OXCT1: variants seen among roughly 807,000 people sequenced by gnomAD.
The protein encoded by OXCT1 is succinyl-CoA:3-ketoacid coenzyme A transferase 1, mitochondrial.
A neutral mutation model predicts 69.6 loss-of-function variants in OXCT1; 27 were observed. The observed-to-expected ratio is 0.39, with a 90% CI of 0.29 to 0.54. The LOEUF (loss-of-function observed/expected upper bound fraction) is 0.54. Among genes scored for constraint, OXCT1 ranks in the 20% least tolerant of loss-of-function variants. The pLI is 0.72. For missense variants in OXCT1, 437 were observed against 650.2 expected (o/e 0.67, Z 3.57); for synonymous variants, 202 against 217.8 (o/e 0.93, Z 0.64).
intron 14 of OXCT1, among the ~76,000 whole-genome samples, chr5:41,760,045 C>T (rs184821581): frequency 6.6e-6 from 1 of 152,106 alleles, no homozygotes; most frequent in African/African-American, 2.4e-5. Context: ...AGTGAAAAAA[C>T]TCTCTTCCCT....
At chr5:41,760,215 G>A (rs1744280450) in intron 14 of OXCT1, among the ~76,000 whole-genome samples, 1 of 152,140 alleles carries the variant, frequency 6.6e-6, no homozygotes. Flanking sequence ...AAATGTGTGA[G>A]AAGAGAAACT....
intron 13 of OXCT1, among the ~76,000 whole-genome samples, chr5:41,769,878 C>G (rs1744800046): frequency 6.6e-6 from 1 of 152,188 alleles, no homozygotes; most frequent in Admixed American, 6.5e-5. Flanking sequence ...TGTGCCTGAG[C>G]CTCCCAAGTA....
chr5:41,787,198 T>G (rs544465137), intron 13 of OXCT1, among the ~76,000 whole-genome samples: 3 of 152,196 alleles, frequency 2.0e-5, no homozygotes, highest in African/African-American at 7.2e-5. Flanking sequence ...TTCTAGGGAT[T>G]TGTACTAAGA....
At chr5:41,869,916 T>A in intron 1 of OXCT1, 1 of 351,066 alleles carries the variant, frequency 2.8e-6, no homozygotes, top group Non-Finnish European at 5.5e-6. Context: ...GGCGCCCTCC[T>A]CCCCCCGTTC....
At chr5:41,859,889 A>AATAT (rs113518106) in intron 3 of OXCT1, among the ~76,000 whole-genome samples, 23 of 88,648 alleles carry the variant, frequency 2.6e-4, no homozygotes, top group South Asian at 2.0e-3. Flanking sequence ...ATATATATGT[A>AATAT]ATATATATAT....
intron 13 of OXCT1, among the ~76,000 whole-genome samples, chr5:41,777,605 C>A (rs553766573): frequency 6.6e-6 from 1 of 152,092 alleles, no homozygotes; most frequent in East Asian, 1.9e-4. Flanking sequence ...TCTTATTGTT[C>A]CTAATCTGTT....
chr5:41,834,487 C>CAAAA (rs1209653207), intron 7 of OXCT1, among the ~76,000 whole-genome samples: 16 of 75,074 alleles, frequency 2.1e-4, no homozygotes, highest in African/African-American at 4.9e-4. Flanking sequence ...TGGAAACCCA[C>CAAAA]AAAAAAAAAA....
At chr5:41,793,466 T>G (rs1024295796) in intron 13 of OXCT1, among the ~76,000 whole-genome samples, 3 of 152,216 alleles carry the variant, frequency 2.0e-5, no homozygotes, top group Non-Finnish European at 2.9e-5. Context: ...CACTATTAAA[T>G]GACAACTGTG....
intron 13 of OXCT1, among the ~76,000 whole-genome samples, chr5:41,765,197 T>C (rs1179173181): frequency 1.3e-5 from 2 of 152,148 alleles, no homozygotes; most frequent in Admixed American, 6.5e-5. Context: ...ATCTCCCAGA[T>C]CTCTATTCCA....
intron 13 of OXCT1, among the ~76,000 whole-genome samples, chr5:41,774,167 GA>G: frequency 6.6e-6 from 1 of 152,298 alleles, no homozygotes; most frequent in African/African-American, 2.4e-5. Flanking sequence ...GTATTTGGAA[GA>G]AAACACATTC....
intron 1 of OXCT1, among the ~76,000 whole-genome samples, chr5:41,869,876 T>C (rs1348113228): frequency 6.6e-6 from 1 of 152,042 alleles, no homozygotes; most frequent in Non-Finnish European, 1.5e-5. Flanking sequence ...ACCTACCCGC[T>C]GTTGCCTCAC....
At chr5:41,743,641 T>G (rs1743309996) in intron 15 of OXCT1, among the ~76,000 whole-genome samples, 1 of 152,232 alleles carries the variant, frequency 6.6e-6, no homozygotes. Flanking sequence ...TAATCCATCT[T>G]GAATTAATTT....
chr5:41,842,839 G>A (rs945213600), intron 5 of OXCT1, 58 bp from the exon 6 acceptor site: 3 of 1,111,592 alleles, frequency 2.7e-6, no homozygotes, highest in Non-Finnish European at 4.2e-6. Flanking sequence ...TTGTGATAGA[G>A]GCACTCTGAT....
intron 14 of OXCT1, among the ~76,000 whole-genome samples, chr5:41,757,270 C>T (rs1744123967): frequency 6.6e-6 from 1 of 152,064 alleles, no homozygotes; most frequent in African/African-American, 2.4e-5. Context: ...CTCCCACACA[C>T]CAGTGTCTAT....
chr5:41,744,477 C>T (rs1302095499), intron 15 of OXCT1, among the ~76,000 whole-genome samples: 1 of 152,042 alleles, frequency 6.6e-6, no homozygotes, highest in Non-Finnish European at 1.5e-5. Context: ...GCCTGATTGC[C>T]CTGGCCAGAA....
chr5:41,816,633 C>T (rs767169614), intron 7 of OXCT1, among the ~76,000 whole-genome samples: 1 of 151,992 alleles, frequency 6.6e-6, no homozygotes. Flanking sequence ...GCTATGCAGC[C>T]GGGGTCACTT....
intron 15 of OXCT1, among the ~76,000 whole-genome samples, chr5:41,746,441 G>T (rs1014515455): frequency 4.6e-5 from 7 of 152,014 alleles, no homozygotes; most frequent in African/African-American, 1.4e-4. Flanking sequence ...GAGGGCTGGA[G>T]ACCTTCATTG....
At chr5:41,751,560 C>T (rs1286166664) in intron 14 of OXCT1, among the ~76,000 whole-genome samples, 1 of 152,130 alleles carries the variant, frequency 6.6e-6, no homozygotes, top group Non-Finnish European at 1.5e-5. Context: ...GCCCATGCTT[C>T]TCCATCCACC....
Position 41,730,976 on chromosome 5 carries a change from G to C in OXCT1, c.*753C>G, listed in dbSNP as rs1742592181. 2 of 152,060 alleles carry C rather than the reference G, an allele frequency of 1.3e-5. No individual in the cohort carries two copies. The highest frequency in any genetic ancestry group is 4.8e-5 in the African/African-American group (2 of 41,388). The allele number at this position is 152,060 out of a possible 1,614,324, so 9.4% of individuals were successfully genotyped here. A position where few individuals can be genotyped will look rare whatever the true frequency, so the allele number is the denominator to read the frequency against. ...TGGCTTGAGAGGAGGTACAGTACAAGTAGCCCACAGGGTCTCAATAACAGA... is the reference window on the plus strand; with the variant it reads ...TGGCTTGAGAGGAGGTACAGTACAACTAGCCCACAGGGTCTCAATAACAGA... On this transcript the variant is annotated 3_prime_UTR_variant, in exon 17 of 17. Transcript: ENST00000196371.
Sources: gnomAD v4.1 joint callset for allele counts (sites outside exome capture counted in the v4.1 genomes callset) on GRCh38, gnomAD v4.1.1 for gene constraint, MANE v1.5 for transcripts, NCBI Gene and HGNC (gene_info 2026-07-23, HGNC 2026-07-21) for gene names.